The following CHORDC1 variants were observed in gnomAD, a reference collection of about 807,000 sequenced individuals.
CHORDC1 encodes the protein cysteine and histidine rich domain containing 1.
Under a neutral mutation model 48.3 loss-of-function variants are expected in CHORDC1, and 25 were observed. The observed-to-expected ratio is 0.52, with a 90% CI of 0.38 to 0.72. CHORDC1 has a LOEUF of 0.72. CHORDC1 is among the 30% of genes least tolerant of loss of function. The probability of loss-of-function intolerance (pLI) is 0.00; values close to 1 mark genes in which losing one functional copy is unlikely to be tolerated. For missense variants in CHORDC1, 317 were observed against 388.7 expected (o/e 0.82, Z 1.55); for synonymous variants, 128 against 126.4 (o/e 1.01, Z -0.09).
At chr11:90,208,189 T>G (rs1261428811) in intron 6 of CHORDC1, 3 of 152,238 alleles carry the variant, frequency 2.0e-5, no homozygotes, top group African/African-American at 7.2e-5. Context: ...TCCAGCACTT[T>G]GGGAGGCCGA....
At chr11:90,208,630 T>C (rs939591615) in intron 6 of CHORDC1, 1 of 152,166 alleles carries the variant, frequency 6.6e-6, no homozygotes, top group African/African-American at 2.4e-5. Context: ...ACATATTCTA[T>C]GGTTATTTTT....
intron 2 of CHORDC1, chr11:90,216,615 A>G (rs1290015172): frequency 2.5e-6 from 1 of 406,468 alleles, no homozygotes; most frequent in Non-Finnish European, 4.8e-6. Flanking sequence ...AAGAGAGAGA[A>G]GCAAAAATAC....
chr11:90,216,838 G>A (rs901267923), intron 2 of CHORDC1, among the ~76,000 whole-genome samples: 1 of 152,126 alleles, frequency 6.6e-6, no homozygotes. Flanking sequence ...AGAGCCATCG[G>A]CGTAGAGGTG....
intron 4 of CHORDC1, chr11:90,211,695 T>C (rs573376760): frequency 6.0e-6 from 1 of 167,098 alleles, no homozygotes; most frequent in East Asian, 1.8e-4. Context: ...GAGCACATAA[T>C]AAACATGAAA....
At chr11:90,215,268 T>G in intron 2 of CHORDC1, 38 bp from the exon 3 acceptor site, 1 of 1,409,892 alleles carries the variant, frequency 7.1e-7, no homozygotes. Context: ...AAACTCTATT[T>G]GCATGAGAAA....
At chr11:90,213,862 AATTTAAGGCAG>A (rs1217763846) in intron 4 of CHORDC1, 145 bp downstream of exon 4, 6 of 601,620 alleles carry the variant, frequency 1.0e-5, no homozygotes, top group East Asian at 2.7e-5. Flanking sequence ...GAGAAATAAA[AATTTAAGGCAG>A]ATTTAAGGGA....
Position 90,221,691 on chromosome 11 carries a change from A to G in CHORDC1, c.64+1200T>C, listed in dbSNP as rs190410728. ...CTGAAATCTCACAATTTTCCTCATG[A>G]GTAGCATCATATTTGCATCATAAAA... On this transcript the variant is annotated intron_variant, in intron 1 of 10. Transcript: ENST00000320585. Among the ~76,000 whole-genome samples the G allele has an allele frequency of 5.3e-5, 8 of 152,362 alleles. No individual in the cohort carries two copies. In the East Asian group the frequency reaches 1.5e-3, roughly 29 times the overall value.
intron 2 of CHORDC1, chr11:90,216,552 G>T: frequency 2.3e-6 from 1 of 442,056 alleles, no homozygotes; most frequent in Non-Finnish European, 4.5e-6. Flanking sequence ...GAAAGTCTAG[G>T]ACTTTAAGAA....
At chr11:90,216,175 A>C (rs1203666335) in intron 2 of CHORDC1, among the ~76,000 whole-genome samples, 3 of 152,132 alleles carry the variant, frequency 2.0e-5, no homozygotes, top group African/African-American at 7.2e-5. Context: ...TAGTCAACAG[A>C]AAAGTTATTC....
rs1396085710 is a variant in CHORDC1, at chr11:90,200,686, G to GT, written c.*1718dup. ...TGTATAAATCAATGTTTTGATCAAT[G>GT]TAACTAATCTGAGGTTACAATAACT... On this transcript the variant is annotated 3_prime_UTR_variant, in exon 11 of 11. Transcript: ENST00000320585. 6.6e-6 allele frequency among the ~76,000 whole-genome samples: 1 copy of GT among 151,806 alleles called. No individual in the cohort carries two copies. The highest frequency in any genetic ancestry group is 2.4e-5 in the African/African-American group (1 of 41,400).
intron 2 of CHORDC1, 114 bp from the exon 3 acceptor site, chr11:90,215,344 G>A (rs1007186417): frequency 4.3e-5 from 23 of 534,856 alleles, no homozygotes; most frequent in Non-Finnish European, 5.8e-5. Context: ...TGCGTATAGA[G>A]TGCAAAATTT....
At chr11:90,221,224 C>T (rs11018925) in intron 1 of CHORDC1, among the ~76,000 whole-genome samples, 43,546 of 152,014 alleles carry the variant, frequency 0.29, 6,397 homozygotes, top group South Asian at 0.37. Flanking sequence ...AAGGTCAAAC[C>T]TCTTCCTAAA....
chr11:90,205,286 G>C (rs927963995), intron 8 of CHORDC1, among the ~76,000 whole-genome samples, 174 bp downstream of exon 8: 14 of 152,064 alleles, frequency 9.2e-5, no homozygotes, highest in Non-Finnish European at 1.3e-4. Context: ...TGCTCAAAAG[G>C]CAGTACACTG....
intron 4 of CHORDC1, chr11:90,213,179 G>C: frequency 2.4e-6 from 1 of 415,906 alleles, no homozygotes. Flanking sequence ...GAGTGCTAAT[G>C]AACAAATAAA....
chr11:90,213,643 G>C lies in CHORDC1; in HGVS notation c.329+375C>G, dbSNP rs549931570. 1.5e-4 allele frequency: 69 copies of C among 457,730 alleles called. No individual in the cohort carries two copies. In the South Asian group the frequency reaches 3.3e-3, roughly 22 times the overall value. 28.4% of individuals were successfully genotyped at this position (457,730 alleles called of 1,614,324 possible). A position where few individuals can be genotyped will look rare whatever the true frequency, so the allele number is the denominator to read the frequency against. ...ATCTGAAAGTAAAGATGGATGATTA[G>C]GCCTCTGCATTATTTTCTACTTCAA... On this transcript the variant is annotated intron_variant, in intron 4 of 10. Coordinates refer to ENST00000320585, the MANE Select transcript of CHORDC1 (RefSeq NM_012124.3).
chr11:90,216,225 A>G (rs1454366142), intron 2 of CHORDC1, among the ~76,000 whole-genome samples: 1 of 152,180 alleles, frequency 6.6e-6, no homozygotes, highest in African/African-American at 2.4e-5. Context: ...CATGTACTAA[A>G]TTATGTCAGA....
chr11:90,207,338 T>C (rs1857725669), intron 6 of CHORDC1: 1 of 153,998 alleles, frequency 6.5e-6, no homozygotes, highest in African/African-American at 2.4e-5. Context: ...TACATCCATG[T>C]CACACCTTAT....
intron 8 of CHORDC1, among the ~76,000 whole-genome samples, chr11:90,204,431 G>C (rs1469503739): frequency 2.0e-5 from 3 of 151,094 alleles, no homozygotes; most frequent in African/African-American, 7.3e-5. Flanking sequence ...TTATTAAAAA[G>C]CAACTAGGGC....
In CHORDC1 at chr11:90,218,187, G is replaced by T; in HGVS notation, c.65-3C>A. 1 of 1,546,838 alleles carries T rather than the reference G, an allele frequency of 6.5e-7. No individual in the cohort carries two copies. Among genetic ancestry groups the T allele is most frequent in the Non-Finnish European group, 8.7e-7 (1 of 1,155,152 alleles). On this transcript the variant is annotated splice_polypyrimidine_tract_variant and splice_region_variant and intron_variant, in intron 1 of 10. Coordinates refer to ENST00000320585, the MANE Select transcript of CHORDC1 (RefSeq NM_012124.3). ...ACCTGGGTGGTATGTGCAAGCATCT[G>T]GAGAAAACAGAGAAAAAAAAAAAAG...
Sources: allele counts gnomAD v4.1 joint callset (sites outside exome capture counted in the v4.1 genomes callset), GRCh38; gene constraint gnomAD v4.1.1; transcripts MANE v1.5; gene names NCBI Gene and HGNC (gene_info 2026-07-23, HGNC 2026-07-21).